CDH4: variants seen among roughly 807,000 people sequenced by gnomAD.
CDH4 encodes cadherin-4.
A neutral mutation model predicts 86.0 loss-of-function variants in CDH4; 33 were observed. That is an observed-to-expected ratio of 0.38 (90% CI 0.29 to 0.51). The LOEUF is 0.51. Among genes scored for constraint, CDH4 ranks in the 20% least tolerant of loss-of-function variants. The pLI, the probability that CDH4 is intolerant of heterozygous loss-of-function variation, is 0.86. For missense variants in CDH4, 1,114 were observed against 1,307.4 expected (o/e 0.85, Z 2.28); for synonymous variants, 555 against 549.4 (o/e 1.01, Z -0.14).
chr20:61,611,556 C>A (rs2086685475), intron 2 of CDH4, among the ~76,000 whole-genome samples: 1 of 151,962 alleles, frequency 6.6e-6, no homozygotes, highest in African/African-American at 2.4e-5. Context: ...GCTGGGACCT[C>A]AGCTGAGTGG....
chr20:61,334,686 T>C (rs528055056), intron 2 of CDH4, among the ~76,000 whole-genome samples: 41 of 152,208 alleles, frequency 2.7e-4, no homozygotes, highest in African/African-American at 9.4e-4. Flanking sequence ...TGGGGCTGGG[T>C]TTCAACATAT....
chr20:61,574,725 G>A (rs529517944), intron 2 of CDH4, among the ~76,000 whole-genome samples: 1 of 152,246 alleles, frequency 6.6e-6, no homozygotes, highest in East Asian at 1.9e-4. Flanking sequence ...ACAGGTTGGG[G>A]GAGTCACATC....
chr20:61,895,187 C>CCTCCGCTGCCCA, intron 8 of CDH4, 140 bp downstream of exon 8: 1 of 1,028,880 alleles, frequency 9.7e-7, no homozygotes, highest in Non-Finnish European at 1.4e-6. Flanking sequence ...CCCTGGGCAG[C>CCTCCGCTGCCCA]GGAGGCTGCT....
intron 2 of CDH4, among the ~76,000 whole-genome samples, chr20:61,733,264 C>T (rs1433425214): frequency 2.0e-5 from 3 of 152,118 alleles, no homozygotes; most frequent in Admixed American, 6.5e-5. Flanking sequence ...CAGTGGCAGC[C>T]ATTTACATGC....
intron 2 of CDH4, chr20:61,738,203 A>G (rs2088288921): frequency 6.6e-6 from 1 of 152,198 alleles, no homozygotes; most frequent in African/African-American, 2.4e-5. Context: ...CTCCGACTAC[A>G]TGTTTAAACA....
At chr20:61,609,935 T>A (rs575685024) in intron 2 of CDH4, among the ~76,000 whole-genome samples, 10 of 152,350 alleles carry the variant, frequency 6.6e-5, no homozygotes, top group African/African-American at 2.4e-4. Context: ...TGTGCTGTGA[T>A]CAAACCAGGA....
chr20:61,296,265 G>C (rs1600843655), intron 2 of CDH4, among the ~76,000 whole-genome samples: 2 of 8,876 alleles, frequency 2.3e-4, no homozygotes, highest in Non-Finnish European at 2.2e-3. Context: ...ATGTGTGCGT[G>C]TGTGTGTGTG....
intron 3 of CDH4, among the ~76,000 whole-genome samples, chr20:61,746,341 C>A (rs1007358604): frequency 6.6e-6 from 1 of 152,162 alleles, no homozygotes; most frequent in Non-Finnish European, 1.5e-5. Flanking sequence ...CCAGGAGACC[C>A]GGTCCTCCAG....
intron 2 of CDH4, among the ~76,000 whole-genome samples, chr20:61,635,034 C>T (rs557677855): frequency 2.0e-4 from 30 of 152,288 alleles, no homozygotes; most frequent in Admixed American, 2.6e-4. Context: ...CTTTCGTGCC[C>T]GTCTGCCCGT....
At chr20:61,699,051 G>A (rs1331513489) in intron 2 of CDH4, among the ~76,000 whole-genome samples, 1 of 152,254 alleles carries the variant, frequency 6.6e-6, no homozygotes, top group Non-Finnish European at 1.5e-5. Flanking sequence ...TGGTCATGTG[G>A]AACGTGTTTA....
chr20:61,750,889 A>G (rs755470629), intron 3 of CDH4, among the ~76,000 whole-genome samples: 1 of 152,220 alleles, frequency 6.6e-6, no homozygotes, highest in Non-Finnish European at 1.5e-5. Context: ...AGCATTAAAA[A>G]CGATCATATA....
In CDH4 at chr20:61,676,583, G is replaced by T. The variant is rs2087446741; in HGVS notation, c.170-66980G>T. Among the ~76,000 whole-genome samples the T allele has an allele frequency of 6.6e-6, 1 of 152,134 alleles. No homozygotes were observed. The highest frequency in any genetic ancestry group is 1.5e-5 in the Non-Finnish European group (1 of 68,032). On this transcript the variant is annotated intron_variant, in intron 2 of 15. Transcript: ENST00000614565. This position sits in a 1 kb window ranked among gnomAD's most constrained non-coding sequence, Gnocchi z 4.5. ...AGACCCCGGGTCAGGCTGTGACAGT[G>T]CCCTGGCTCTGTGCACCCAGCCAGG...
Position 61,888,206 on chromosome 20 carries a change from G to A in CDH4, c.1051-6704G>A, listed in dbSNP as rs184409426. Among the ~76,000 whole-genome samples the A allele has an allele frequency of 3.2e-4, 48 of 152,326 alleles. No homozygotes were observed. The East Asian group carries it at 9.1e-3, about 29-fold the overall frequency. On this transcript the variant is annotated intron_variant, in intron 7 of 15. Transcript: ENST00000614565. ...CTGCCGGTACACACAGATGGGACAT[G>A]GATGAAATGAGACTCCGCAGGCAGG...
chr20:61,580,372 TG>T (rs1445895671), intron 2 of CDH4, among the ~76,000 whole-genome samples: 1 of 152,114 alleles, frequency 6.6e-6, no homozygotes, highest in Non-Finnish European at 1.5e-5. Context: ...GGAGAATTGC[TG>T]GCCACCCGGG....
chr20:61,258,329 CAAAAAAAAAAAAAAAAGA>C (rs1348598809), intron 2 of CDH4, among the ~76,000 whole-genome samples: 1 of 62,360 alleles, frequency 1.6e-5, no homozygotes, highest in East Asian at 7.2e-4. Context: ...GACTCCGTCT[CAAAAAAAAAAAAAAAAGA>C]AAAAAAAAAA....
intron 3 of CDH4, among the ~76,000 whole-genome samples, chr20:61,759,370 A>G (rs2088604563): frequency 6.6e-6 from 1 of 152,234 alleles, no homozygotes; most frequent in Admixed American, 6.5e-5. Flanking sequence ...CCCAGCAAGA[A>G]CAGGGGTGTC....
At chr20:61,420,994 G>A (rs772778443) in intron 2 of CDH4, among the ~76,000 whole-genome samples, 3 of 152,266 alleles carry the variant, frequency 2.0e-5, no homozygotes, top group East Asian at 1.9e-4. Context: ...GGACAGTGAC[G>A]GCAAGGCCTG....
At chr20:61,576,163 G>A (rs76803572) in intron 2 of CDH4, among the ~76,000 whole-genome samples, 2,348 of 152,306 alleles carry the variant, frequency 0.015, 62 homozygotes, top group African/African-American at 0.053. Flanking sequence ...TCCTGGTAGC[G>A]TGGCTTCTCA....
At chr20:61,927,833 T>TGTGGCC (rs2055061086) in intron 11 of CDH4, among the ~76,000 whole-genome samples, 2 of 152,102 alleles carry the variant, frequency 1.3e-5, no homozygotes, top group Non-Finnish European at 1.5e-5. Context: ...CAGGTGTGGG[T>TGTGGCC]GTGGCCGTGT....
Sources: allele counts gnomAD v4.1 joint callset (sites outside exome capture counted in the v4.1 genomes callset), GRCh38; gene constraint gnomAD v4.1.1; non-coding constraint Gnocchi (gnomAD v3.1); transcripts MANE v1.5; gene names NCBI Gene and HGNC (gene_info 2026-07-23, HGNC 2026-07-21).